The following UNC13C variants were observed in gnomAD, a reference collection of about 807,000 sequenced individuals.
The protein encoded by UNC13C is protein unc-13 homolog C.
In UNC13C, 174 loss-of-function variants were observed where a neutral mutation model predicts 245.4. The ratio of observed to expected loss-of-function variants is 0.71; its 90% CI spans 0.63 to 0.80. The LOEUF is 0.80. UNC13C is among the 30% of genes least tolerant of loss of function. The probability of loss-of-function intolerance (pLI) is 0.00; values close to 1 mark genes in which losing one functional copy is unlikely to be tolerated. For missense variants in UNC13C, 2,829 were observed against 2,602.9 expected (o/e 1.09, Z -1.89); for synonymous variants, 992 against 895.1 (o/e 1.11, Z -1.93).
chr15:54,032,343 C>T (rs754447768), intron 2 of UNC13C, among the ~76,000 whole-genome samples: 9 of 152,070 alleles, frequency 5.9e-5, no homozygotes, highest in Admixed American at 3.3e-4. Context: ...ATTACAAGGC[C>T]GGATAAACAT....
At chr15:54,369,169 C>A (rs570925707) in intron 17 of UNC13C, among the ~76,000 whole-genome samples, 1 of 150,614 alleles carries the variant, frequency 6.6e-6, no homozygotes, top group South Asian at 2.1e-4. Context: ...AGAAATAGAC[C>A]ATCTGGGATC....
At chr15:53,863,260 A>G in the UNC13C span, among the ~76,000 whole-genome samples, 1 of 152,178 alleles carries the variant, frequency 6.6e-6, no homozygotes, top group Non-Finnish European at 1.5e-5. Context: ...CTTTGGACTG[A>G]TGCTCTACCC....
the UNC13C span, among the ~76,000 whole-genome samples, chr15:53,855,880 T>A: frequency 8.5e-5 from 13 of 152,196 alleles, no homozygotes; most frequent in South Asian, 6.2e-4. Context: ...CAACTCTTCT[T>A]TGTACCTCTG....
chr15:54,183,760 A>G (rs2033877386), intron 4 of UNC13C, among the ~76,000 whole-genome samples: 1 of 150,590 alleles, frequency 6.6e-6, no homozygotes. Flanking sequence ...TGAGACAGAA[A>G]AAAAAAAAAA....
At chr15:54,287,492 A>G (rs2037179856) in intron 10 of UNC13C, among the ~76,000 whole-genome samples, 1 of 152,228 alleles carries the variant, frequency 6.6e-6, no homozygotes, top group East Asian at 1.9e-4. Flanking sequence ...AGCTTTATCA[A>G]AGAAGACATT....
intron 30 of UNC13C, among the ~76,000 whole-genome samples, chr15:54,578,307 T>A (rs1026183116): frequency 6.6e-6 from 1 of 150,402 alleles, no homozygotes; most frequent in Non-Finnish European, 1.5e-5. Context: ...GTTTCTTTCA[T>A]TTTTTGTCAT....
intron 30 of UNC13C, among the ~76,000 whole-genome samples, chr15:54,573,650 A>G (rs1460551777): frequency 6.6e-6 from 1 of 152,190 alleles, no homozygotes; most frequent in African/African-American, 2.4e-5. Context: ...AAGTTGCTCT[A>G]ATATGGTGCT....
chr15:54,551,263 A>G (rs1896724392), intron 28 of UNC13C, among the ~76,000 whole-genome samples: 1 of 152,048 alleles, frequency 6.6e-6, no homozygotes, highest in Non-Finnish European at 1.5e-5. Context: ...TTGATGTTAC[A>G]TCTTTTGAAC....
chr15:54,332,765 G>A (rs755429738), intron 15 of UNC13C, among the ~76,000 whole-genome samples: 3 of 152,062 alleles, frequency 2.0e-5, no homozygotes, highest in Non-Finnish European at 2.9e-5. Context: ...ACTAATAGAT[G>A]CTCTCTTGTA....
At chr15:53,976,956 A>G (rs902137796), upstream of UNC13C, 2 of 152,178 alleles carry the variant, frequency 1.3e-5, no homozygotes, top group African/African-American at 4.8e-5. Flanking sequence ...GTTTCGCCCT[A>G]TCAGGTGCTT....
At chr15:54,469,765 A>C (rs920341503) in intron 19 of UNC13C, among the ~76,000 whole-genome samples, 1 of 151,446 alleles carries the variant, frequency 6.6e-6, no homozygotes. Context: ...TATAAAACCA[A>C]CAGTTATGAA....
At chr15:54,444,268 A>C (rs1890683667) in intron 19 of UNC13C, among the ~76,000 whole-genome samples, 1 of 151,030 alleles carries the variant, frequency 6.6e-6, no homozygotes, top group Admixed American at 6.6e-5. Flanking sequence ...TCATTCCCTT[A>C]CTTTTGATAA....
intron 19 of UNC13C, among the ~76,000 whole-genome samples, chr15:54,439,946 C>T (rs1475707448): frequency 6.6e-6 from 1 of 151,874 alleles, no homozygotes; most frequent in Non-Finnish European, 1.5e-5. Context: ...CCACTCCTAC[C>T]CATACACTCT....
chr15:54,459,257 A>G (rs1369869638), intron 19 of UNC13C, among the ~76,000 whole-genome samples: 1 of 152,182 alleles, frequency 6.6e-6, no homozygotes, highest in Non-Finnish European at 1.5e-5. Context: ...GCTGAGAAAT[A>G]TACCGTTAAT....
intron 19 of UNC13C, among the ~76,000 whole-genome samples, chr15:54,432,262 G>A (rs2040887391): frequency 6.6e-6 from 1 of 151,588 alleles, no homozygotes; most frequent in African/African-American, 2.4e-5. Flanking sequence ...GAGCGACTGT[G>A]ATACCTGTTA....
chr15:54,208,351 A>G (rs1247215570), intron 4 of UNC13C, among the ~76,000 whole-genome samples: 2 of 152,146 alleles, frequency 1.3e-5, no homozygotes, highest in African/African-American at 4.8e-5. Flanking sequence ...TAGCCAAACC[A>G]TAGCATGATT....
the UNC13C span, among the ~76,000 whole-genome samples, chr15:53,952,035 TG>T: frequency 6.6e-6 from 1 of 152,200 alleles, no homozygotes. Flanking sequence ...CGTTGGTTTA[TG>T]TATCAGCAAT....
intron 4 of UNC13C, among the ~76,000 whole-genome samples, chr15:54,232,251 T>C (rs1306664099): frequency 6.6e-6 from 1 of 152,116 alleles, no homozygotes; most frequent in East Asian, 1.9e-4. Context: ...AGTGTTTTCA[T>C]TGTCTTGCAA....
chr15:54,343,450 A>G (rs2038785063), intron 17 of UNC13C, among the ~76,000 whole-genome samples: 1 of 152,138 alleles, frequency 6.6e-6, no homozygotes, highest in South Asian at 2.1e-4. Context: ...TAACTTTATA[A>G]TCAATCTTAC....
Sources: gnomAD v4.1 joint callset for allele counts (sites outside exome capture counted in the v4.1 genomes callset) on GRCh38, gnomAD v4.1.1 for gene constraint, MANE v1.5 for transcripts, NCBI Gene and HGNC (gene_info 2026-07-23, HGNC 2026-07-21) for gene names.